SLC14A2: variants seen among roughly 807,000 people sequenced by gnomAD.
SLC14A2 encodes solute carrier family 14 member 2, also known as urea transporter 2.
Under a neutral mutation model 104.6 loss-of-function variants are expected in SLC14A2, and 91 were observed. The observed-to-expected ratio is 0.87, with a 90% CI of 0.73 to 1.04. The LOEUF (loss-of-function observed/expected upper bound fraction) is 1.04. Among genes scored for constraint, SLC14A2 ranks in the 50% least tolerant of loss-of-function variants. The pLI is 0.00. For synonymous variants in SLC14A2, 476 were observed against 466.4 expected (o/e 1.02, Z -0.27); for missense variants, 1,189 against 1,156.0 (o/e 1.03, Z -0.41).
chr18:45,191,138 C>T, the SLC14A2 span, among the ~76,000 whole-genome samples: 1 of 152,118 alleles, frequency 6.6e-6, no homozygotes, highest in Non-Finnish European at 1.5e-5. Context: ...CCCCAAGCCA[C>T]ATTCTATACT....
chr18:45,457,492 G>C (rs2086964815), intron 1 of SLC14A2, among the ~76,000 whole-genome samples: 1 of 152,166 alleles, frequency 6.6e-6, no homozygotes, highest in Non-Finnish European at 1.5e-5. Context: ...AGCTCGGGTA[G>C]CAAAGGGAGT....
intron 1 of SLC14A2, among the ~76,000 whole-genome samples, chr18:45,235,613 C>T (rs2084217157): frequency 6.6e-6 from 1 of 151,844 alleles, no homozygotes; most frequent in Non-Finnish European, 1.5e-5. Context: ...TACTATTCTA[C>T]TCTCTACTTT....
the SLC14A2 span, among the ~76,000 whole-genome samples, chr18:45,169,670 C>A: frequency 6.6e-6 from 1 of 152,210 alleles, no homozygotes; most frequent in Admixed American, 6.6e-5. Context: ...TAATCTGTAA[C>A]CCTGGAATCA....
chr18:45,432,521 T>G (rs571717286), intron 1 of SLC14A2, among the ~76,000 whole-genome samples: 4 of 151,918 alleles, frequency 2.6e-5, no homozygotes, highest in Non-Finnish European at 4.4e-5. Flanking sequence ...AGGCCAGGAG[T>G]TCTGACCACA....
chr18:45,545,802 C>T (rs1031775923), intron 2 of SLC14A2, among the ~76,000 whole-genome samples: 6 of 152,026 alleles, frequency 3.9e-5, no homozygotes, highest in African/African-American at 7.2e-5. Flanking sequence ...TTTAATTGTG[C>T]GATGCTCAAT....
chr18:45,225,821 A>T (rs2084110450), intron 1 of SLC14A2, among the ~76,000 whole-genome samples: 3 of 152,062 alleles, frequency 2.0e-5, no homozygotes, highest in African/African-American at 4.8e-5. Flanking sequence ...AATTCTTGTG[A>T]TTTTTGCACA....
At chr18:45,293,060 G>A (rs1405759798) in intron 1 of SLC14A2, among the ~76,000 whole-genome samples, 1 of 152,116 alleles carries the variant, frequency 6.6e-6, no homozygotes, top group Non-Finnish European at 1.5e-5. Flanking sequence ...ATTTCTGGCT[G>A]TTTCATGAAA....
chr18:45,248,083 A>T (rs1008265360), intron 1 of SLC14A2, among the ~76,000 whole-genome samples: 1 of 152,158 alleles, frequency 6.6e-6, no homozygotes, highest in Admixed American at 6.5e-5. Flanking sequence ...TCAATAATCC[A>T]TTGAGAAGAT....
intron 1 of SLC14A2, among the ~76,000 whole-genome samples, chr18:45,251,506 CA>C (rs913462518): frequency 1.3e-5 from 2 of 152,020 alleles, no homozygotes; most frequent in African/African-American, 2.4e-5. Context: ...ATTGTCATAA[CA>C]AAAAAACACA....
intron 10 of SLC14A2, among the ~76,000 whole-genome samples, chr18:45,651,173 T>C (rs2144587286): frequency 6.6e-6 from 1 of 152,234 alleles, no homozygotes; most frequent in African/African-American, 2.4e-5. Flanking sequence ...ACATGATCAA[T>C]CATTTGTATC....
rs182554046 is a variant in SLC14A2 at position 45,236,355 on chromosome 18, G to A, written c.-125+23164G>A. Among the ~76,000 whole-genome samples, 6 of 22,916 alleles carry A rather than the reference G, an allele frequency of 2.6e-4. 1 individual carries two copies. The highest frequency in any genetic ancestry group is 6.4e-4 in the African/African-American group (2 of 3,136). 15.0% of individuals were successfully genotyped at this position (22,916 alleles called of 152,430 possible). A position where few individuals can be genotyped will look rare whatever the true frequency, so the allele number is the denominator to read the frequency against. ...TGTGTATATATGTGTATATATACAT[G>A]TATGTGTGTATATATGTGTATATAT... On this transcript the variant is annotated intron_variant, in intron 1 of 20. Transcript: ENST00000586448.
chr18:45,634,696 G>GTACA (rs1419966619), intron 5 of SLC14A2: 1 of 404,038 alleles, frequency 2.5e-6, no homozygotes, highest in African/African-American at 2.0e-5. Flanking sequence ...GTCAGACCAG[G>GTACA]TACACCCTGT....
At chr18:45,207,693 G>C in the SLC14A2 span, among the ~76,000 whole-genome samples, 1 of 152,164 alleles carries the variant, frequency 6.6e-6, no homozygotes, top group Non-Finnish European at 1.5e-5. Flanking sequence ...AATGTGAAGA[G>C]AGTTAGAGAT....
Position 45,250,333 on chromosome 18 carries a change from A to G in SLC14A2, c.-125+37142A>G, listed in dbSNP as rs186642890. Among the ~76,000 whole-genome samples, 40 of 152,274 alleles carry G rather than the reference A, an allele frequency of 2.6e-4. No homozygotes were observed. The East Asian group carries it at 5.4e-3, about 21-fold the overall frequency. ...GCACACATTTGGGGCCACATTTTTA[A>G]CTAGTCCTCTTTGGTATTTTAATCT... is the stretch of plus-strand genomic sequence containing the variant. On this transcript the variant is annotated intron_variant, in intron 1 of 20. Transcript: ENST00000586448.
chr18:45,389,693 T>C (rs951644217), intron 1 of SLC14A2, among the ~76,000 whole-genome samples: 3 of 152,238 alleles, frequency 2.0e-5, no homozygotes, highest in Admixed American at 6.5e-5. Context: ...AGAGGCAATA[T>C]AGGCTTAGGC....
At chr18:45,354,514 C>T (rs1213424104) in intron 1 of SLC14A2, among the ~76,000 whole-genome samples, 1 of 152,202 alleles carries the variant, frequency 6.6e-6, no homozygotes, top group East Asian at 1.9e-4. Flanking sequence ...CGGAGGCTCC[C>T]AGTTCAGTGG....
At chr18:45,438,911 G>A (rs1439275280) in intron 1 of SLC14A2, among the ~76,000 whole-genome samples, 1 of 152,148 alleles carries the variant, frequency 6.6e-6, no homozygotes, top group African/African-American at 2.4e-5. Context: ...AATTTTCCCA[G>A]TGATTCTCTG....
chr18:45,445,114 T>C (rs1367502623), intron 1 of SLC14A2, among the ~76,000 whole-genome samples: 1 of 147,748 alleles, frequency 6.8e-6, no homozygotes, highest in Admixed American at 6.8e-5. Flanking sequence ...TGCTTTTTTT[T>C]TTTTTTTTTT....
intron 10 of SLC14A2, among the ~76,000 whole-genome samples, chr18:45,655,517 G>C (rs1311018025): frequency 1.3e-5 from 2 of 152,202 alleles, no homozygotes; most frequent in African/African-American, 4.8e-5. Flanking sequence ...GATTGGTATT[G>C]GCTTTCAGGA....
Sources: allele counts gnomAD v4.1 joint callset (sites outside exome capture counted in the v4.1 genomes callset), GRCh38; gene constraint gnomAD v4.1.1; transcripts MANE v1.5; gene names NCBI Gene and HGNC (gene_info 2026-07-23, HGNC 2026-07-21).